GPC5: variants seen among roughly 807,000 people sequenced by gnomAD.
The protein encoded by GPC5 is glypican-5.
GPC5 carries 47 observed loss-of-function variants against 53.9 expected under a neutral mutation model. The ratio of observed to expected loss-of-function variants is 0.87; its 90% CI spans 0.69 to 1.11. GPC5 has a LOEUF of 1.11. GPC5 is among the 50% of genes most tolerant of loss of function. GPC5 has a pLI of 0.00. For synonymous variants in GPC5, 286 were observed against 263.3 expected (o/e 1.09, Z -0.84); for missense variants, 748 against 713.1 (o/e 1.05, Z -0.56).
At chr13:92,066,965 C>G (rs1046860437) in intron 6 of GPC5, among the ~76,000 whole-genome samples, 3 of 151,962 alleles carry the variant, frequency 2.0e-5, no homozygotes, top group African/African-American at 7.2e-5. Context: ...AAACACTGAG[C>G]TAGGTAAGCT....
intron 7 of GPC5, among the ~76,000 whole-genome samples, chr13:92,758,907 A>G (rs1875030014): frequency 6.8e-6 from 1 of 147,032 alleles, no homozygotes; most frequent in Non-Finnish European, 1.5e-5. Context: ...ATTTTTGTGT[A>G]TGGTGTAAAA....
At chr13:92,714,236 C>T (rs1304239653) in intron 7 of GPC5, among the ~76,000 whole-genome samples, 1 of 152,120 alleles carries the variant, frequency 6.6e-6, no homozygotes, top group South Asian at 2.1e-4. Flanking sequence ...ATCTGCTGCT[C>T]AAAATTTGCT....
At chr13:92,179,415 A>T (rs1412696835) in intron 7 of GPC5, among the ~76,000 whole-genome samples, 2 of 152,218 alleles carry the variant, frequency 1.3e-5, no homozygotes, top group Non-Finnish European at 2.9e-5. Flanking sequence ...ATATTTACAT[A>T]GTCTGAGCTT....
In GPC5 at chr13:91,756,408, A is replaced by G. The variant is rs762969147; in HGVS notation, c.1268A>G (p.Asp423Gly). The G allele has an allele frequency of 9.4e-6, 15 of 1,587,468 alleles. No individual in the cohort carries two copies. Among genetic ancestry groups the G allele is most frequent in the Non-Finnish European group, 1.3e-5 (15 of 1,162,136 alleles). Residue 423 changes from aspartate to glycine, a missense_variant, in exon 5 of 8, where the codon GAT (aspartate) becomes GGT (glycine). Physicochemically the swap from Asp to Gly is moderately conservative, Grantham distance 94. Transcript: ENST00000377067. ...ADGLPCWNGE[D>G]IVKSYTQRVV... ...GGACTTCCCTGCTGGAATGGAGAAG[A>G]TATAGTAAAAAGGTATTTTATGTGG...
intron 3 of GPC5, among the ~76,000 whole-genome samples, chr13:91,711,007 G>T (rs2036213364): frequency 6.6e-6 from 1 of 152,182 alleles, no homozygotes; most frequent in East Asian, 1.9e-4. Context: ...CTGTTGGTGG[G>T]AGTGTAAATT....
intron 7 of GPC5, among the ~76,000 whole-genome samples, chr13:92,514,753 TA>T (rs1566623443): frequency 6.6e-6 from 1 of 152,156 alleles, no homozygotes; most frequent in Non-Finnish European, 1.5e-5. Context: ...CTACTTTGAA[TA>T]AAACTAGGAC....
intron 7 of GPC5, among the ~76,000 whole-genome samples, chr13:92,438,308 G>GGA: frequency 6.6e-6 from 1 of 151,838 alleles, no homozygotes. Flanking sequence ...GCTGTGTCCT[G>GGA]GAGGTAGCAT....
At chr13:92,163,720 G>T (rs1021676599) in intron 7 of GPC5, among the ~76,000 whole-genome samples, 4 of 152,252 alleles carry the variant, frequency 2.6e-5, no homozygotes, top group Non-Finnish European at 2.9e-5. Flanking sequence ...GAATAGTAAA[G>T]ACAGTACAAA....
chr13:92,267,326 T>C (rs2042809558), intron 7 of GPC5, among the ~76,000 whole-genome samples: 1 of 152,098 alleles, frequency 6.6e-6, no homozygotes, highest in Admixed American at 6.6e-5. Flanking sequence ...TCTCAATCAT[T>C]ACCACTTCAG....
intron 6 of GPC5, among the ~76,000 whole-genome samples, chr13:92,048,840 C>A (rs987723102): frequency 2.6e-5 from 4 of 151,964 alleles, no homozygotes; most frequent in African/African-American, 9.7e-5. Flanking sequence ...ATAATGTTGA[C>A]CAAAAAATAA....
At chr13:91,547,640 G>A (rs1399324098) in intron 2 of GPC5, among the ~76,000 whole-genome samples, 3 of 152,014 alleles carry the variant, frequency 2.0e-5, no homozygotes, top group Non-Finnish European at 4.4e-5. Flanking sequence ...TTCATTCTAT[G>A]AGGCTAGCTA....
In GPC5 at chr13:92,632,872, T is replaced by C. The variant is rs555413453; in HGVS notation, c.1562-233410T>C. On this transcript the variant is annotated intron_variant, in intron 7 of 7. Transcript: ENST00000377067. ...GCAAAGAGAACTTCTGCAGAGAAAC[T>C]CCCATTTTTTTGTTTGTTTGTTTTG... is the stretch of plus-strand genomic sequence containing the variant. Among the ~76,000 whole-genome samples the C allele has an allele frequency of 2.6e-5, 4 of 151,906 alleles. No homozygotes were observed. The East Asian group carries it at 7.8e-4, about 29-fold the overall frequency.
At chr13:92,671,322 G>A (rs1330926158) in intron 7 of GPC5, among the ~76,000 whole-genome samples, 2 of 152,116 alleles carry the variant, frequency 1.3e-5, no homozygotes, top group African/African-American at 4.8e-5. Flanking sequence ...GATTAGAGTA[G>A]GTGCTCAGCC....
chr13:91,419,713 G>C (rs577942937), intron 1 of GPC5, among the ~76,000 whole-genome samples: 1 of 152,208 alleles, frequency 6.6e-6, no homozygotes, highest in Non-Finnish European at 1.5e-5. Flanking sequence ...AATTGTGCCT[G>C]GTAACAAGAC....
chr13:91,623,151 G>C (rs1052070799), intron 2 of GPC5, among the ~76,000 whole-genome samples: 6 of 152,080 alleles, frequency 3.9e-5, no homozygotes, highest in African/African-American at 1.4e-4. Flanking sequence ...AGGGGGAAAG[G>C]AATAGCTATT....
chr13:92,774,340 AGT>A (rs1594497678), intron 7 of GPC5, among the ~76,000 whole-genome samples: 2 of 152,324 alleles, frequency 1.3e-5, no homozygotes, highest in East Asian at 3.9e-4. Flanking sequence ...CCTAACTTGT[AGT>A]GGTCTGTACA....
At chr13:91,584,857 G>A (rs772984490) in intron 2 of GPC5, among the ~76,000 whole-genome samples, 7 of 152,200 alleles carry the variant, frequency 4.6e-5, no homozygotes, top group Admixed American at 6.5e-5. Flanking sequence ...GGGATTACAG[G>A]CATGAGCCAC....
At chr13:92,767,945 G>A (rs1346017130) in intron 7 of GPC5, among the ~76,000 whole-genome samples, 3 of 151,914 alleles carry the variant, frequency 2.0e-5, no homozygotes, top group Admixed American at 6.6e-5. Flanking sequence ...TGTGTATATC[G>A]TTTTGCCCAA....
intron 7 of GPC5, among the ~76,000 whole-genome samples, chr13:92,385,505 T>TATACATATATAC (rs1874614158): frequency 1.5e-5 from 2 of 137,290 alleles, no homozygotes; most frequent in African/African-American, 5.7e-5. Context: ...TACATACATA[T>TATACATATATAC]ACATATATAC....
Sources: allele counts gnomAD v4.1 joint callset (sites outside exome capture counted in the v4.1 genomes callset), GRCh38; gene constraint gnomAD v4.1.1; transcripts MANE v1.5; gene names NCBI Gene and HGNC (gene_info 2026-07-23, HGNC 2026-07-21).